SV2C: variants seen among roughly 807,000 people sequenced by gnomAD.
SV2C encodes the protein synaptic vesicle glycoprotein 2C.
SV2C carries 49 observed loss-of-function variants against 79.7 expected under a neutral mutation model. The ratio of observed to expected loss-of-function variants is 0.61; its 90% CI spans 0.49 to 0.78. The LOEUF (loss-of-function observed/expected upper bound fraction) is 0.78. Ranked by LOEUF, SV2C falls within the 30% of genes least tolerant of loss-of-function variation. SV2C has a pLI of 0.00. For missense variants in SV2C, 833 were observed against 912.9 expected, an observed-to-expected ratio of 0.91 and a Z score of 1.13; for synonymous variants, 334 against 333.2, an observed-to-expected ratio of 1.00 and a Z score of -0.03.
the SV2C span, among the ~76,000 whole-genome samples, chr5:75,968,109 G>T: frequency 2.0e-5 from 3 of 152,214 alleles, no homozygotes; most frequent in Non-Finnish European, 2.9e-5. Context: ...GCAGCTGAGG[G>T]TCCTGACTGT....
At chr5:76,297,071 C>T (rs1747796760) in intron 9 of SV2C, among the ~76,000 whole-genome samples, 1 of 152,184 alleles carries the variant, frequency 6.6e-6, no homozygotes, top group African/African-American at 2.4e-5. Flanking sequence ...AAACTGGATA[C>T]TCAGTCACTG....
the SV2C span, among the ~76,000 whole-genome samples, chr5:75,967,051 G>A: frequency 2.0e-5 from 3 of 151,930 alleles, no homozygotes; most frequent in East Asian, 3.9e-4. Flanking sequence ...TTCTCCTTTC[G>A]GGCCAGGCAC....
chr5:76,009,819 T>A, the SV2C span, among the ~76,000 whole-genome samples: 1 of 152,112 alleles, frequency 6.6e-6, no homozygotes, highest in Non-Finnish European at 1.5e-5. Flanking sequence ...AGCACCTTGA[T>A]GATGGGATCA....
the SV2C span, among the ~76,000 whole-genome samples, chr5:75,872,314 T>C: frequency 5.2e-4 from 79 of 152,050 alleles, 1 homozygote; most frequent in African/African-American, 1.8e-3. Context: ...ATAAAAATTA[T>C]AAAAATTCTT....
At chr5:76,267,811 G>A (rs575382395) in intron 4 of SV2C, among the ~76,000 whole-genome samples, 2 of 152,356 alleles carry the variant, frequency 1.3e-5, no homozygotes, top group African/African-American at 4.8e-5. Context: ...GCAAAGGAAA[G>A]AGCCTGGGCT....
intron 4 of SV2C, among the ~76,000 whole-genome samples, chr5:76,220,617 TAAA>T (rs5868813): frequency 2.4e-5 from 3 of 127,650 alleles, no homozygotes; most frequent in African/African-American, 2.9e-5. Flanking sequence ...GACACTGTCT[TAAA>T]AAAAAAAAAA....
chr5:76,192,342 T>C (rs1039173733), intron 2 of SV2C, among the ~76,000 whole-genome samples: 6 of 152,150 alleles, frequency 3.9e-5, no homozygotes, highest in African/African-American at 1.4e-4. Context: ...CTTTGAGAAG[T>C]GAGGATCTAA....
the SV2C span, among the ~76,000 whole-genome samples, chr5:76,057,372 A>T: frequency 2.0e-4 from 26 of 133,078 alleles, no homozygotes; most frequent in East Asian, 1.4e-3. Context: ...ATGCTATCCC[A>T]CCCCCCTACC....
the SV2C span, among the ~76,000 whole-genome samples, chr5:76,077,213 G>A: frequency 8.5e-5 from 13 of 152,092 alleles, no homozygotes; most frequent in South Asian, 2.1e-4. Flanking sequence ...TAAGCCTCTC[G>A]ATCTATTTTC....
intron 3 of SV2C, 79 bp downstream of exon 3, chr5:76,195,178 G>A: frequency 6.9e-7 from 1 of 1,441,746 alleles, no homozygotes; most frequent in Non-Finnish European, 9.4e-7. Context: ...TTATTGGGAG[G>A]AAATTATCCC....
At chr5:76,262,376 T>C (rs1208617228) in intron 4 of SV2C, among the ~76,000 whole-genome samples, 1 of 152,174 alleles carries the variant, frequency 6.6e-6, no homozygotes, top group African/African-American at 2.4e-5. Context: ...ATTAATCTTT[T>C]CAGAAAACCA....
At chr5:76,069,540 G>C in the SV2C span, among the ~76,000 whole-genome samples, 1 of 152,112 alleles carries the variant, frequency 6.6e-6, no homozygotes, top group Non-Finnish European at 1.5e-5. Context: ...TATCAGTCAG[G>C]CAGCTTATCC....
chr5:76,315,827 A>G (rs1437100660), intron 12 of SV2C, among the ~76,000 whole-genome samples: 1 of 152,108 alleles, frequency 6.6e-6, no homozygotes, highest in African/African-American at 2.4e-5. Context: ...TTTGGGTTGG[A>G]TCCCTCTCTC....
chr5:76,196,534 ATGAT>A (rs1054043142), intron 3 of SV2C, among the ~76,000 whole-genome samples: 2 of 152,204 alleles, frequency 1.3e-5, no homozygotes, highest in Admixed American at 6.5e-5. Flanking sequence ...TAAATGTTGA[ATGAT>A]TGAATGAATG....
At chr5:76,342,306 T>C (rs569232639) in intron 12 of SV2C, among the ~76,000 whole-genome samples, 1 of 152,336 alleles carries the variant, frequency 6.6e-6, no homozygotes, top group East Asian at 1.9e-4. Flanking sequence ...AGGCACAGAA[T>C]GTTTGTCCAA....
At chr5:76,292,544 G>A (rs1033177128) in intron 8 of SV2C, among the ~76,000 whole-genome samples, 1 of 152,138 alleles carries the variant, frequency 6.6e-6, no homozygotes, top group African/African-American at 2.4e-5. Context: ...TGGAAGCTGA[G>A]GTGAAGGATT....
intron 8 of SV2C, 52 bp downstream of exon 8, chr5:76,291,908 T>C (rs1482290170): frequency 1.5e-6 from 2 of 1,313,950 alleles, no homozygotes; most frequent in Admixed American, 3.7e-5. Flanking sequence ...GTCCACATTG[T>C]AACTCCTAGC....
chr5:75,989,963 TG>T, the SV2C span, among the ~76,000 whole-genome samples: 392 of 128,844 alleles, frequency 3.0e-3, 3 homozygotes, highest in African/African-American at 0.011. Context: ...TTTATGTCCT[TG>T]GCCCCCTTTT....
At chr5:76,197,726 A>ATAGATAGATAGATAGATAGATAGT (rs1744313854) in intron 3 of SV2C, among the ~76,000 whole-genome samples, 4 of 152,102 alleles carry the variant, frequency 2.6e-5, no homozygotes, top group Admixed American at 2.6e-4. Context: ...AGATAGATAG[A>ATAGATAGATAGATAGATAGATAGT]TAGATAGATA....
Sources: allele counts gnomAD v4.1 joint callset (sites outside exome capture counted in the v4.1 genomes callset), GRCh38; gene constraint gnomAD v4.1.1; transcripts MANE v1.5; gene names NCBI Gene and HGNC (gene_info 2026-07-23, HGNC 2026-07-21).